CACNA1E: variants seen among roughly 807,000 people sequenced by gnomAD.
CACNA1E encodes calcium voltage-gated channel subunit alpha1 E, also known as voltage-dependent R-type calcium channel subunit alpha-1E.
CACNA1E carries 40 observed loss-of-function variants against 259.2 expected under a neutral mutation model. That is an observed-to-expected ratio of 0.15 (90% CI 0.12 to 0.20). CACNA1E has a LOEUF of 0.20. Ranked by LOEUF, CACNA1E falls within the 10% of genes least tolerant of loss-of-function variation. CACNA1E has a pLI of 1.00. For missense variants in CACNA1E, 1,874 were observed against 3,040.1 expected (o/e 0.62, Z 9.02); for synonymous variants, 1,104 against 1,138.5 (o/e 0.97, Z 0.61).
At chr1:181,497,969 T>C (rs1175607405) in intron 1 of CACNA1E, among the ~76,000 whole-genome samples, 2 of 151,932 alleles carry the variant, frequency 1.3e-5, no homozygotes, top group African/African-American at 4.9e-5. Context: ...TATTTTGTCT[T>C]TCCCCCGCCA....
intron 7 of CACNA1E, among the ~76,000 whole-genome samples, chr1:181,698,084 G>A (rs1651885933): frequency 6.6e-6 from 1 of 152,204 alleles, no homozygotes; most frequent in African/African-American, 2.4e-5. Flanking sequence ...GAAGGTGGTA[G>A]AGTTATTTAG....
At chr1:181,684,365 T>A (rs1650298185) in intron 7 of CACNA1E, among the ~76,000 whole-genome samples, 1 of 152,226 alleles carries the variant, frequency 6.6e-6, no homozygotes, top group Non-Finnish European at 1.5e-5. Context: ...TTCTTATAGA[T>A]TCTGGATATT....
At chr1:181,481,550 C>A (rs548635929), upstream of CACNA1E, among the ~76,000 whole-genome samples, 4 of 152,382 alleles carry the variant, frequency 2.6e-5, no homozygotes, top group South Asian at 6.2e-4. Flanking sequence ...AACCTCTGGG[C>A]TTTGGTCAGT....
At chr1:181,458,608 T>A (rs1304434296) in intron 2 of CACNA1E, among the ~76,000 whole-genome samples, 1 of 152,232 alleles carries the variant, frequency 6.6e-6, no homozygotes, top group Non-Finnish European at 1.5e-5. Context: ...GAAGATAAAC[T>A]GAATGCCCTT....
At chr1:181,667,483 A>G (rs536048437) in intron 7 of CACNA1E, among the ~76,000 whole-genome samples, 1 of 152,280 alleles carries the variant, frequency 6.6e-6, no homozygotes. Flanking sequence ...TTGAAGTTCA[A>G]GAGGCCTGGA....
At chr1:181,445,804 G>A (rs1342612688) in intron 2 of CACNA1E, among the ~76,000 whole-genome samples, 1 of 152,162 alleles carries the variant, frequency 6.6e-6, no homozygotes, top group African/African-American at 2.4e-5. Context: ...AGATCATTCA[G>A]ATTCCAAAAA....
chr1:181,794,812 T>C (rs1661644397), intron 45 of CACNA1E, 52 bp from the exon 46 acceptor site: 3 of 1,522,444 alleles, frequency 2.0e-6, no homozygotes, highest in Admixed American at 3.8e-5. Context: ...CTTTTAGATC[T>C]TTTCAATCGT....
chr1:181,754,713 A>G (rs1331953782), intron 27 of CACNA1E, among the ~76,000 whole-genome samples: 1 of 152,250 alleles, frequency 6.6e-6, no homozygotes, highest in Non-Finnish European at 1.5e-5. Context: ...AAATGTATGA[A>G]CTTGCCTATG....
intron 38 of CACNA1E, among the ~76,000 whole-genome samples, chr1:181,777,832 G>A (rs1327632188): frequency 6.6e-6 from 1 of 152,158 alleles, no homozygotes; most frequent in East Asian, 1.9e-4. Flanking sequence ...CTATGGGATT[G>A]GGAGCCTAAG....
At chr1:181,385,625 C>A (rs1655787537) in intron 1 of CACNA1E, among the ~76,000 whole-genome samples, 1 of 152,186 alleles carries the variant, frequency 6.6e-6, no homozygotes, top group African/African-American at 2.4e-5. Context: ...TACTTAATTA[C>A]TATTGTTTTT....
In CACNA1E at chr1:181,592,363, C is replaced by CA. The variant is rs111403642; in HGVS notation, c.951+11587_951+11588insA. On this transcript the variant is annotated intron_variant, in intron 6 of 47. Coordinates refer to ENST00000367573, the MANE Select transcript of CACNA1E (RefSeq NM_001205293.3). ...CACCAAAGATGCCATGGCTTCCAGA[C>CA]TGCCAGGCTGTCGGGAGATGCAGCA... Among the ~76,000 whole-genome samples the CA allele has an allele frequency of 3.8e-3, 580 of 152,074 alleles. 3 individuals are homozygous for CA. The highest frequency in any genetic ancestry group is 0.014 in the African/African-American group (561 of 41,488).
chr1:181,388,552 T>C (rs1332773688), intron 1 of CACNA1E, among the ~76,000 whole-genome samples: 2 of 152,196 alleles, frequency 1.3e-5, no homozygotes, highest in Non-Finnish European at 2.9e-5. Context: ...AGTATTTGTG[T>C]ATCTAATAAA....
chr1:181,321,055 G>A (rs1213288535), intron 1 of CACNA1E, among the ~76,000 whole-genome samples: 1 of 152,072 alleles, frequency 6.6e-6, no homozygotes. Context: ...TGAGGGAGAA[G>A]CAAGAGAGAA....
intron 1 of CACNA1E, among the ~76,000 whole-genome samples, chr1:181,353,441 T>C (rs1653188289): frequency 6.6e-6 from 1 of 152,174 alleles, no homozygotes; most frequent in African/African-American, 2.4e-5. Context: ...TCATATCTGC[T>C]CTGAAGTCTG....
chr1:181,422,751 C>T (rs763239251), intron 2 of CACNA1E, among the ~76,000 whole-genome samples: 9 of 152,096 alleles, frequency 5.9e-5, no homozygotes, highest in Non-Finnish European at 1.3e-4. Context: ...ATGTCTGGTT[C>T]CTCACCTTCA....
chr1:181,775,286 C>T (rs1659879768), intron 37 of CACNA1E, among the ~76,000 whole-genome samples: 1 of 152,106 alleles, frequency 6.6e-6, no homozygotes, highest in Non-Finnish European at 1.5e-5. Flanking sequence ...GAACCTGGGC[C>T]AGAAATACAG....
intron 1 of CACNA1E, among the ~76,000 whole-genome samples, chr1:181,328,000 G>A (rs555874932): frequency 6.6e-6 from 1 of 152,334 alleles, no homozygotes; most frequent in East Asian, 1.9e-4. Context: ...CTCTCTTCAC[G>A]ATTTCACGTC....
intron 1 of CACNA1E, among the ~76,000 whole-genome samples, chr1:181,401,033 G>A (rs919781283): frequency 1.1e-4 from 16 of 152,048 alleles, no homozygotes; most frequent in Non-Finnish European, 1.3e-4. Flanking sequence ...ACATTACATC[G>A]CCGATATCAT....
At chr1:181,359,314 A>G (rs1214526186) in intron 1 of CACNA1E, among the ~76,000 whole-genome samples, 1 of 152,210 alleles carries the variant, frequency 6.6e-6, no homozygotes, top group African/African-American at 2.4e-5. Context: ...AGATGGAGTA[A>G]TTATACCTGA....
Sources: allele counts gnomAD v4.1 joint callset (sites outside exome capture counted in the v4.1 genomes callset), GRCh38; gene constraint gnomAD v4.1.1; transcripts MANE v1.5; gene names NCBI Gene and HGNC (gene_info 2026-07-23, HGNC 2026-07-21).